Variants in KCNT2 observed in about 807,000 individuals in gnomAD.
KCNT2 encodes potassium sodium-activated channel subfamily T member 2, also known as potassium channel subfamily T member 2.
A neutral mutation model predicts 153.8 loss-of-function variants in KCNT2; 67 were observed. That is an observed-to-expected ratio of 0.44 (90% CI 0.36 to 0.53). KCNT2 has a LOEUF of 0.53. Ranked by LOEUF, KCNT2 falls within the 20% of genes least tolerant of loss-of-function variation. The probability of loss-of-function intolerance (pLI) is 0.00; values close to 1 mark genes in which losing one functional copy is unlikely to be tolerated. For missense variants in KCNT2, 975 were observed against 1,354.8 expected, an observed-to-expected ratio of 0.72 and a Z score of 4.40; for synonymous variants, 500 against 458.8, an observed-to-expected ratio of 1.09 and a Z score of -1.15.
intron 14 of KCNT2, among the ~76,000 whole-genome samples, chr1:196,361,490 A>G (rs924364348): frequency 6.6e-6 from 1 of 152,080 alleles, no homozygotes; most frequent in African/African-American, 2.4e-5. Flanking sequence ...AACAAGCAGT[A>G]GGCATTGGAC....
intron 23 of KCNT2, among the ~76,000 whole-genome samples, chr1:196,284,481 T>C (rs2147885765): frequency 6.6e-6 from 1 of 151,384 alleles, no homozygotes; most frequent in Non-Finnish European, 1.5e-5. Context: ...AAACAGAGGA[T>C]ACTGTGGCTA....
intron 13 of KCNT2, among the ~76,000 whole-genome samples, chr1:196,389,746 C>T (rs1363481825): frequency 6.6e-6 from 1 of 151,616 alleles, no homozygotes; most frequent in Non-Finnish European, 1.5e-5. Flanking sequence ...AGGTTTGTGT[C>T]ACTGTAAATT....
At chr1:196,253,441 T>A (rs1234824903) in intron 26 of KCNT2, among the ~76,000 whole-genome samples, 1 of 151,568 alleles carries the variant, frequency 6.6e-6, no homozygotes, top group Non-Finnish European at 1.5e-5. Flanking sequence ...CATGTTCTTG[T>A]TTTCCTCTGC....
chr1:196,478,476 C>T (rs965722262), intron 5 of KCNT2, among the ~76,000 whole-genome samples: 29 of 152,140 alleles, frequency 1.9e-4, no homozygotes, highest in Non-Finnish European at 2.6e-4. Flanking sequence ...CATGCAAAGT[C>T]CTTCCTTTAT....
chr1:196,512,092 C>T (rs770615119), intron 1 of KCNT2, among the ~76,000 whole-genome samples: 4 of 152,142 alleles, frequency 2.6e-5, no homozygotes, highest in African/African-American at 4.8e-5. Flanking sequence ...GTTATCAGTG[C>T]TCATCGTACT....
At chr1:196,302,650 G>A (rs1425475182) in intron 22 of KCNT2, among the ~76,000 whole-genome samples, 1 of 151,478 alleles carries the variant, frequency 6.6e-6, no homozygotes, top group Non-Finnish European at 1.5e-5. Flanking sequence ...CCATAAATTA[G>A]AACCCACACT....
intron 8 of KCNT2, among the ~76,000 whole-genome samples, chr1:196,451,217 C>CTTTTTTTTTTTTTTTTTTTTTTTTTTT (rs561944079): frequency 4.7e-5 from 3 of 63,558 alleles, no homozygotes; most frequent in Admixed American, 2.7e-4. Context: ...ATCCCTCTTT[C>CTTTTTTTTTTTTTTTTTTTTTTTTTTT]TTTTTTTTTT....
intron 13 of KCNT2, among the ~76,000 whole-genome samples, chr1:196,393,338 A>T (rs914242709): frequency 4.0e-5 from 6 of 151,536 alleles, no homozygotes; most frequent in African/African-American, 1.5e-4. Context: ...CACAGACGAC[A>T]TAACACTTTA....
chr1:196,605,403 A>G (rs1665205497), intron 1 of KCNT2, among the ~76,000 whole-genome samples: 1 of 152,144 alleles, frequency 6.6e-6, no homozygotes, highest in African/African-American at 2.4e-5. Context: ...ATGCTTCAGA[A>G]TTCTCCAAGC....
intron 8 of KCNT2, among the ~76,000 whole-genome samples, chr1:196,438,003 G>A (rs1012722127): frequency 1.3e-5 from 2 of 151,292 alleles, no homozygotes; most frequent in African/African-American, 4.8e-5. Flanking sequence ...TTTGCTGAGT[G>A]CTAACCTAGG....
chr1:196,296,601 C>T (rs1660696707), intron 22 of KCNT2, among the ~76,000 whole-genome samples: 1 of 152,062 alleles, frequency 6.6e-6, no homozygotes, highest in African/African-American at 2.4e-5. Context: ...ATAATGACAG[C>T]ATTCAGCACA....
chr1:196,592,447 C>T (rs1326457313), intron 1 of KCNT2, among the ~76,000 whole-genome samples: 4 of 147,842 alleles, frequency 2.7e-5, no homozygotes, highest in Non-Finnish European at 4.5e-5. Context: ...TTCATTCTAA[C>T]TGTATATTTA....
At chr1:196,515,435 T>A (rs1430514865) in intron 1 of KCNT2, among the ~76,000 whole-genome samples, 1 of 151,206 alleles carries the variant, frequency 6.6e-6, no homozygotes, top group Non-Finnish European at 1.5e-5. Flanking sequence ...AATATGCATA[T>A]TTCATTTGTA....
intron 19 of KCNT2, among the ~76,000 whole-genome samples, chr1:196,326,003 A>T (rs997033100): frequency 6.6e-6 from 1 of 152,080 alleles, no homozygotes; most frequent in African/African-American, 2.4e-5. Flanking sequence ...GGATGAGGAG[A>T]GTGAGAGAAT....
At chr1:196,564,762 T>C (rs1288215002) in intron 1 of KCNT2, among the ~76,000 whole-genome samples, 1 of 151,888 alleles carries the variant, frequency 6.6e-6, no homozygotes, top group Non-Finnish European at 1.5e-5. Flanking sequence ...GACAATCTCT[T>C]CAATAAATGG....
intron 14 of KCNT2, among the ~76,000 whole-genome samples, chr1:196,355,039 A>C (rs1352602442): frequency 1.3e-5 from 2 of 151,756 alleles, no homozygotes; most frequent in African/African-American, 4.8e-5. Flanking sequence ...AATTTACGGT[A>C]CGGGGGTATG....
At position 196,482,808 on chromosome 1, in the gene KCNT2, C is replaced by T. The variant is rs1029457671; in HGVS notation, c.276-429G>A. ...AAAATCAGTAACAGAGTATACAACA[C>T]AGTTATATTTCAGACTTGAAGTTTT... On this transcript the variant is annotated intron_variant, in intron 3 of 27. Transcript: ENST00000294725. Among the ~76,000 whole-genome samples, 5 of 152,114 alleles carry T rather than the reference C, an allele frequency of 3.3e-5. 1 individual carries two copies. The highest frequency in any genetic ancestry group is 3.4e-3 in the Middle Eastern group (1 of 292).
At chr1:196,585,121 T>A (rs781386382) in intron 1 of KCNT2, among the ~76,000 whole-genome samples, 1 of 152,020 alleles carries the variant, frequency 6.6e-6, no homozygotes, top group Non-Finnish European at 1.5e-5. Flanking sequence ...TTGGAGAAAC[T>A]GCAGATATTT....
At chr1:196,418,944 C>T (rs888968716) in intron 12 of KCNT2, among the ~76,000 whole-genome samples, 1 of 152,000 alleles carries the variant, frequency 6.6e-6, no homozygotes, top group South Asian at 2.1e-4. Context: ...TCCTGAAGTT[C>T]TCCACTCCTC....
Sources: allele counts gnomAD v4.1 joint callset (sites outside exome capture counted in the v4.1 genomes callset), GRCh38; gene constraint gnomAD v4.1.1; transcripts MANE v1.5; gene names NCBI Gene and HGNC (gene_info 2026-07-23, HGNC 2026-07-21).